Variants in NUBPL observed in about 807,000 individuals in gnomAD.
The protein encoded by NUBPL is iron-sulfur cluster transfer protein NUBPL.
A neutral mutation model predicts 45.7 loss-of-function variants in NUBPL; 31 were observed. That is an observed-to-expected ratio of 0.68 (90% CI 0.51 to 0.92). The LOEUF is 0.92. Ranked by LOEUF, NUBPL falls within the 40% of genes least tolerant of loss-of-function variation. NUBPL has a pLI of 0.00. For missense variants in NUBPL, 401 were observed against 398.7 expected, an observed-to-expected ratio of 1.01 and a Z score of -0.05; for synonymous variants, 144 against 140.9, an observed-to-expected ratio of 1.02 and a Z score of -0.15.
At chr14:31,836,402 A>C (rs575263101) in intron 8 of NUBPL, among the ~76,000 whole-genome samples, 1 of 152,216 alleles carries the variant, frequency 6.6e-6, no homozygotes, top group Non-Finnish European at 1.5e-5. Flanking sequence ...TATAGCAAAG[A>C]ATCTGTTTTC....
At chr14:31,572,906 A>G (rs993534864) in intron 3 of NUBPL, among the ~76,000 whole-genome samples, 2 of 152,242 alleles carry the variant, frequency 1.3e-5, no homozygotes, top group African/African-American at 2.4e-5. Flanking sequence ...TTGTAACACA[A>G]TGGTAAGTAT....
Position 31,859,261 on chromosome 14 carries a change from C to A in NUBPL, c.*81C>A, listed in dbSNP as rs1035907212. Reference sequence around the variant, plus strand: ...ATCAGCAATGTGGTGATGGAACCTACAGAAATAATAGAAATCATAACTGTT... The same window carrying A: ...ATCAGCAATGTGGTGATGGAACCTAAAGAAATAATAGAAATCATAACTGTT... On this transcript the variant is annotated 3_prime_UTR_variant, in exon 11 of 11. Coordinates refer to ENST00000281081, the MANE Select transcript of NUBPL (RefSeq NM_025152.3). 3 of 1,007,116 alleles carry A rather than the reference C, an allele frequency of 3.0e-6. No homozygotes were observed. The highest frequency in any genetic ancestry group is 1.6e-5 in the African/African-American group (1 of 62,724). The allele number at this position is 1,007,116 out of a possible 1,614,324, so 62.4% of individuals were successfully genotyped here. A position where few individuals can be genotyped will look rare whatever the true frequency, so the allele number is the denominator to read the frequency against.
At chr14:31,849,752 T>C (rs1329901980) in intron 9 of NUBPL, among the ~76,000 whole-genome samples, 1 of 152,144 alleles carries the variant, frequency 6.6e-6, no homozygotes, top group African/African-American at 2.4e-5. Context: ...TTCTCTTCAG[T>C]TTCCTCTTAT....
intron 4 of NUBPL, among the ~76,000 whole-genome samples, chr14:31,639,652 C>G (rs1231387843): frequency 1.3e-5 from 2 of 152,208 alleles, no homozygotes; most frequent in African/African-American, 2.4e-5. Flanking sequence ...GACGTTACTG[C>G]TGTCTTTTTG....
rs141924126 is a variant in NUBPL at position 31,828,030 on chromosome 14, T to G, written c.693+1316T>G. 2.1e-3 allele frequency among the ~76,000 whole-genome samples: 278 copies of G among 135,484 alleles called. 1 individual carries two copies. Among genetic ancestry groups the G allele is most frequent in the African/African-American group, 6.5e-3 (264 of 40,618 alleles). 88.9% of individuals were successfully genotyped at this position (135,484 alleles called of 152,430 possible). On this transcript the variant is annotated intron_variant, in intron 8 of 10. Coordinates refer to ENST00000281081, the MANE Select transcript of NUBPL (RefSeq NM_025152.3). ...TGTTCTCGTGAAAATCGAGGAGGCT[T>G]ATAAGGAAGGTGCCTGTATGCTTAC...
chr14:31,819,464 G>A (rs1198031515), intron 7 of NUBPL, among the ~76,000 whole-genome samples: 1 of 152,176 alleles, frequency 6.6e-6, no homozygotes, highest in Non-Finnish European at 1.5e-5. Context: ...CAGCACTGAA[G>A]TTCTCAATCA....
chr14:31,612,105 G>A (rs1365814823), intron 4 of NUBPL, among the ~76,000 whole-genome samples: 2 of 152,076 alleles, frequency 1.3e-5, no homozygotes. Flanking sequence ...CAGAGCAAAG[G>A]AAACAATCAA....
intron 6 of NUBPL, among the ~76,000 whole-genome samples, chr14:31,695,049 A>G (rs1488057287): frequency 6.6e-6 from 1 of 152,248 alleles, no homozygotes; most frequent in Non-Finnish European, 1.5e-5. Context: ...TGGAATTTAG[A>G]GAACAAGGCT....
chr14:31,684,941 A>G (rs2036918663), intron 6 of NUBPL, among the ~76,000 whole-genome samples: 1 of 152,210 alleles, frequency 6.6e-6, no homozygotes, highest in African/African-American at 2.4e-5. Context: ...TGTGTGATTT[A>G]GTGGGAGGAA....
intron 8 of NUBPL, among the ~76,000 whole-genome samples, chr14:31,834,356 C>T (rs188462660): frequency 1.1e-3 from 174 of 151,834 alleles, no homozygotes; most frequent in African/African-American, 2.4e-3. Context: ...AATTTTTGTA[C>T]TTTTAGTAGA....
chr14:31,831,290 G>A (rs921688228), intron 8 of NUBPL, among the ~76,000 whole-genome samples: 17 of 151,854 alleles, frequency 1.1e-4, no homozygotes, highest in African/African-American at 3.6e-4. Context: ...CAATCCACCC[G>A]CCTCAGTCTC....
chr14:31,574,582 C>CTTTTTT (rs71115022), intron 3 of NUBPL, among the ~76,000 whole-genome samples: 3 of 66,906 alleles, frequency 4.5e-5, no homozygotes, highest in East Asian at 4.6e-4. Flanking sequence ...TTCTTTCCTT[C>CTTTTTT]TTTTTTTTTT....
chr14:31,598,353 G>C (rs2034338703), intron 3 of NUBPL, among the ~76,000 whole-genome samples: 3 of 152,020 alleles, frequency 2.0e-5, no homozygotes, highest in Admixed American at 1.3e-4. Flanking sequence ...TTTTGTCGAG[G>C]GGTTACGAGT....
chr14:31,610,287 T>C (rs941877336), intron 4 of NUBPL, among the ~76,000 whole-genome samples: 2 of 152,046 alleles, frequency 1.3e-5, no homozygotes, highest in Non-Finnish European at 2.9e-5. Context: ...AGTAAGTACA[T>C]GCCAATAAAT....
chr14:31,659,673 C>T (rs993908343), intron 4 of NUBPL, among the ~76,000 whole-genome samples: 3 of 152,116 alleles, frequency 2.0e-5, no homozygotes, highest in East Asian at 1.9e-4. Flanking sequence ...GATGTATCAC[C>T]CCTGCTCCAA....
chr14:31,597,913 T>A (rs2034325637), intron 3 of NUBPL, among the ~76,000 whole-genome samples: 1 of 151,958 alleles, frequency 6.6e-6, no homozygotes, highest in Non-Finnish European at 1.5e-5. Context: ...GTAAATTTAA[T>A]TGTTTTAATT....
chr14:31,831,036 T>TTTTATTTA (rs139299664), intron 8 of NUBPL, among the ~76,000 whole-genome samples: 1 of 59,948 alleles, frequency 1.7e-5, no homozygotes, highest in African/African-American at 3.7e-5. Flanking sequence ...CCCTAATCCT[T>TTTTATTTA]TTTATTTATT....
chr14:31,579,052 G>A (rs979780527), intron 3 of NUBPL, among the ~76,000 whole-genome samples: 24 of 152,306 alleles, frequency 1.6e-4, no homozygotes, highest in Admixed American at 1.2e-3. Flanking sequence ...TTCCCTGCAT[G>A]GCTATAGGGT....
chr14:31,759,376 C>G (rs991833934), intron 6 of NUBPL, among the ~76,000 whole-genome samples: 1 of 151,226 alleles, frequency 6.6e-6, no homozygotes, highest in Admixed American at 6.6e-5. Flanking sequence ...CGCATATAGT[C>G]GTATCTTTTT....
Sources: gnomAD v4.1 joint callset for allele counts (sites outside exome capture counted in the v4.1 genomes callset) on GRCh38, gnomAD v4.1.1 for gene constraint, MANE v1.5 for transcripts, NCBI Gene and HGNC (gene_info 2026-07-23, HGNC 2026-07-21) for gene names.